Variants in SFI1 observed in about 807,000 individuals in gnomAD.
SFI1 encodes the protein SFI1 centrin binding protein.
Under a neutral mutation model 207.5 loss-of-function variants are expected in SFI1, and 195 were observed. The observed-to-expected ratio is 0.94, with a 90% confidence interval of 0.84 to 1.06. The LOEUF is 1.06. Ranked by LOEUF, SFI1 falls within the 50% of genes least tolerant of loss-of-function variation. The probability of loss-of-function intolerance (pLI) is 0.00; values close to 1 mark genes in which losing one functional copy is unlikely to be tolerated. For missense variants in SFI1, 1,634 were observed against 1,588.0 expected (o/e 1.03, Z -0.49); for synonymous variants, 630 against 598.9 (o/e 1.05, Z -0.76).
intron 1 of SFI1, among the ~76,000 whole-genome samples, chr22:31,498,649 T>TG (rs2053173073): frequency 1.4e-5 from 2 of 143,632 alleles, no homozygotes; most frequent in African/African-American, 5.2e-5. Flanking sequence ...AGACTCCGTC[T>TG]AAAAAAAAAA....
intron 4 of SFI1, 21 bp downstream of exon 4, chr22:31,531,150 CATA>C: frequency 6.3e-7 from 1 of 1,583,288 alleles, no homozygotes; most frequent in Non-Finnish European, 8.6e-7. Context: ...CTCAGAACAA[CATA>C]ATTGTGTTGA....
intron 9 of SFI1, among the ~76,000 whole-genome samples, chr22:31,575,008 G>A (rs887260613): frequency 3.3e-5 from 5 of 150,626 alleles, no homozygotes; most frequent in Non-Finnish European, 5.9e-5. Context: ...GCAGTGAGCC[G>A]AGATCCCGCC....
intron 5 of SFI1, among the ~76,000 whole-genome samples, chr22:31,548,443 C>T (rs2060307265): frequency 6.6e-6 from 1 of 150,388 alleles, no homozygotes; most frequent in Non-Finnish European, 1.5e-5. Flanking sequence ...AAATTCCAGC[C>T]TGTACAACAC....
At chr22:31,511,060 T>C (rs575053499) in intron 2 of SFI1, among the ~76,000 whole-genome samples, 13 of 152,258 alleles carry the variant, frequency 8.5e-5, no homozygotes, top group Admixed American at 8.5e-4. Context: ...AGAAGTTTCT[T>C]ATAGAATCCA....
At chr22:31,580,460 A>G (rs1017017060) in intron 12 of SFI1, 96 bp downstream of exon 12, 2 of 1,012,344 alleles carry the variant, frequency 2.0e-6, no homozygotes, top group Non-Finnish European at 2.9e-6. Flanking sequence ...ACTCTTTTTA[A>G]AAAAACTTTT....
intron 15 of SFI1, among the ~76,000 whole-genome samples, chr22:31,596,748 C>G (rs1167171886): frequency 1.4e-5 from 2 of 143,320 alleles, no homozygotes; most frequent in Non-Finnish European, 3.0e-5. Context: ...CGCACCACTG[C>G]ACTCCAGCCT....
At chr22:31,597,105 C>T (rs2067269112) in intron 15 of SFI1, among the ~76,000 whole-genome samples, 1 of 152,154 alleles carries the variant, frequency 6.6e-6, no homozygotes, top group Non-Finnish European at 1.5e-5. Flanking sequence ...ACACACAGTA[C>T]CCGTTTCTTT....
chr22:31,528,120 TAATAAA>T (rs1304984946), intron 2 of SFI1, among the ~76,000 whole-genome samples: 1 of 145,410 alleles, frequency 6.9e-6, no homozygotes, highest in African/African-American at 2.6e-5. Flanking sequence ...CTCAAAAAAA[TAATAAA>T]AATAAAAAGT....
chr22:31,604,954 C>G lies in SFI1; in HGVS notation c.2054+9C>G, dbSNP rs1178213837. 2.5e-6 allele frequency: 4 copies of G among 1,590,510 alleles called. No homozygotes were observed. Among genetic ancestry groups the G allele is most frequent in the Middle Eastern group, 1.7e-4 (1 of 5,862 alleles). ...AACAGGCAGCTGCTGCGGTGAGTCT[C>G]CCGGGCGCCTCCCAAGCTCCAGCTG... On this transcript the variant is annotated intron_variant, in intron 20 of 32. Transcript: ENST00000400288.
chr22:31,601,098 G>A (rs2068020190), intron 15 of SFI1, among the ~76,000 whole-genome samples: 1 of 150,886 alleles, frequency 6.6e-6, no homozygotes, highest in Non-Finnish European at 1.5e-5. Flanking sequence ...TGACAAAACA[G>A]TGGTTCCCAA....
chr22:31,580,867 A>G (rs2064068224), intron 12 of SFI1, among the ~76,000 whole-genome samples: 1 of 152,006 alleles, frequency 6.6e-6, no homozygotes, highest in African/African-American at 2.4e-5. Context: ...TTTCTTTGGT[A>G]ATCCATACCT....
intron 3 of SFI1, among the ~76,000 whole-genome samples, chr22:31,529,794 C>T (rs148997248): frequency 3.4e-4 from 51 of 152,188 alleles, no homozygotes; most frequent in African/African-American, 1.2e-3. Flanking sequence ...AAGCTCAGCC[C>T]TGAAGGATAA....
chr22:31,550,134 G>A (rs1256558609), intron 5 of SFI1, 120 bp from the exon 6 acceptor site: 5 of 628,668 alleles, frequency 8.0e-6, no homozygotes, highest in African/African-American at 5.5e-5. Flanking sequence ...TCACCATATC[G>A]GCCAGGCTGG....
intron 4 of SFI1, among the ~76,000 whole-genome samples, chr22:31,536,336 C>T (rs2058992308): frequency 6.6e-6 from 1 of 152,186 alleles, no homozygotes; most frequent in African/African-American, 2.4e-5. Context: ...TTGTTAGGTT[C>T]CTCAGATGCT....
At chr22:31,560,199 C>G (rs2061543715) in intron 7 of SFI1, among the ~76,000 whole-genome samples, 1 of 151,598 alleles carries the variant, frequency 6.6e-6, no homozygotes, top group Non-Finnish European at 1.5e-5. Flanking sequence ...CTGTAAAGCA[C>G]AGGTTGTAAA....
chr22:31,560,426 G>A (rs1183195481), intron 7 of SFI1, among the ~76,000 whole-genome samples: 2 of 139,094 alleles, frequency 1.4e-5, no homozygotes, highest in East Asian at 4.6e-4. Context: ...TTTTGAGGTG[G>A]AGTCTCACTC....
chr22:31,592,879 C>T (rs1308730996), intron 15 of SFI1, among the ~76,000 whole-genome samples: 6 of 131,360 alleles, frequency 4.6e-5, no homozygotes, highest in Admixed American at 1.4e-4. Context: ...ATCTCCCTCC[C>T]GGACGGGCTG....
intron 7 of SFI1, 58 bp downstream of exon 7, chr22:31,557,117 A>C: frequency 1.9e-6 from 2 of 1,042,862 alleles, no homozygotes; most frequent in Non-Finnish European, 2.8e-6. Flanking sequence ...CATCAGCTTT[A>C]TGGTGCTGGA....
chr22:31,506,847 A>G lies in SFI1; in HGVS notation c.-30-1408A>G, dbSNP rs113694839. Among the ~76,000 whole-genome samples, 329 of 152,336 alleles carry G rather than the reference A, an allele frequency of 2.2e-3. 1 individual carries two copies. The highest frequency in any genetic ancestry group is 3.8e-3 in the Non-Finnish European group (256 of 68,036). ...AAGTAGAGCTACAAACCACTGCTCAAAGAAATCAGAGGTGACACAAACAAA... is the reference window on the plus strand; with the variant it reads ...AAGTAGAGCTACAAACCACTGCTCAGAGAAATCAGAGGTGACACAAACAAA... On this transcript the variant is annotated intron_variant, in intron 1 of 32. Transcript: ENST00000400288.
Sources: allele counts gnomAD v4.1 joint callset (sites outside exome capture counted in the v4.1 genomes callset), GRCh38; gene constraint gnomAD v4.1.1; transcripts MANE v1.5; gene names NCBI Gene and HGNC (gene_info 2026-07-23, HGNC 2026-07-21).